CERK: variants seen among roughly 807,000 people sequenced by gnomAD.
CERK encodes ceramide kinase.
A neutral mutation model predicts 63.4 loss-of-function variants in CERK; 39 were observed. That is an observed-to-expected ratio of 0.61 (90% CI 0.48 to 0.80). CERK has a LOEUF of 0.80. Among genes scored for constraint, CERK ranks in the 30% least tolerant of loss-of-function variants. The pLI, the probability that CERK is intolerant of heterozygous loss-of-function variation, is 0.00. For synonymous variants in CERK, 302 were observed against 280.0 expected, an observed-to-expected ratio of 1.08 and a Z score of -0.78; for missense variants, 670 against 714.1, an observed-to-expected ratio of 0.94 and a Z score of 0.70.
chr22:46,711,365 G>A (rs775583659), intron 4 of CERK, among the ~76,000 whole-genome samples: 10 of 152,174 alleles, frequency 6.6e-5, no homozygotes, highest in East Asian at 5.8e-4. Context: ...CACAGTCTGC[G>A]CGATGACATG....
chr22:46,716,172 A>C (rs564112265), intron 3 of CERK, among the ~76,000 whole-genome samples: 2 of 150,784 alleles, frequency 1.3e-5, no homozygotes, highest in Non-Finnish European at 2.9e-5. Context: ...CCTGGGTGGC[A>C]GAACAAGACC....
At position 46,701,580 on chromosome 22, in the gene CERK, C is replaced by G. The variant is rs988722376; in HGVS notation, c.790+56G>C. On this transcript the variant is annotated intron_variant, in intron 7 of 12. Coordinates refer to ENST00000216264, the MANE Select transcript of CERK (RefSeq NM_022766.6). ...CGACGGGGACCAGAGTGGGACAGGCCTGGGGGCGCAGGAGGCCCGGCTGCC... is the reference window on the plus strand; with the variant it reads ...CGACGGGGACCAGAGTGGGACAGGCGTGGGGGCGCAGGAGGCCCGGCTGCC... 4.1e-6 allele frequency: 6 copies of G among 1,458,474 alleles called. No homozygotes were observed. The African/African-American group carries it at 8.4e-5, about 21-fold the overall frequency. The allele number at this position is 1,458,474 out of a possible 1,614,324, so 90.3% of individuals were successfully genotyped here. A position where few individuals can be genotyped will look rare whatever the true frequency, so the allele number is the denominator to read the frequency against.
intron 1 of CERK, among the ~76,000 whole-genome samples, chr22:46,734,663 C>T (rs1020418584): frequency 6.6e-6 from 1 of 152,142 alleles, no homozygotes; most frequent in African/African-American, 2.4e-5. Flanking sequence ...TTGATAAAAT[C>T]GATTTTTAAA....
At chr22:46,733,211 A>G (rs1378005041) in intron 1 of CERK, among the ~76,000 whole-genome samples, 1 of 147,624 alleles carries the variant, frequency 6.8e-6, no homozygotes, top group Admixed American at 6.8e-5. Context: ...TCTGTCTCAA[A>G]AAAAAAAAAA....
At chr22:46,706,279 G>A (rs987926884) in intron 6 of CERK, among the ~76,000 whole-genome samples, 5 of 152,134 alleles carry the variant, frequency 3.3e-5, no homozygotes, top group African/African-American at 4.8e-5. Flanking sequence ...GGGCCCTCCC[G>A]AGCCGTCTGC....
At chr22:46,718,109 C>G (rs2082875106) in intron 3 of CERK, among the ~76,000 whole-genome samples, 1 of 152,040 alleles carries the variant, frequency 6.6e-6, no homozygotes, top group African/African-American at 2.4e-5. Flanking sequence ...AAAAAACCCA[C>G]TAAAACAGAT....
At chr22:46,721,305 T>TA (rs2082891367) in intron 1 of CERK, among the ~76,000 whole-genome samples, 1 of 149,544 alleles carries the variant, frequency 6.7e-6, no homozygotes, top group African/African-American at 2.6e-5. Context: ...ATATATATAT[T>TA]TTTTTGAGAC....
At chr22:46,692,823 T>G (rs9754344) in intron 10 of CERK, among the ~76,000 whole-genome samples, 9,712 of 148,768 alleles carry the variant, frequency 0.065, 557 homozygotes, top group East Asian at 0.26. Context: ...GAGAATCGCT[T>G]GAACTCGGGA....
chr22:46,733,203 T>G (rs2082954680), intron 1 of CERK, among the ~76,000 whole-genome samples: 1 of 103,006 alleles, frequency 9.7e-6, no homozygotes, highest in African/African-American at 3.1e-5. Context: ...AGTGGGACTC[T>G]GTCTCAAAAA....
intron 12 of CERK, among the ~76,000 whole-genome samples, chr22:46,689,725 A>C (rs539232688): frequency 6.6e-6 from 1 of 152,312 alleles, no homozygotes; most frequent in East Asian, 1.9e-4. Context: ...GAGGAAAAGA[A>C]TGAAATGGAG....
chr22:46,737,156 A>G (rs1310546099), intron 1 of CERK, among the ~76,000 whole-genome samples: 1 of 152,052 alleles, frequency 6.6e-6, no homozygotes, highest in African/African-American at 2.4e-5. Flanking sequence ...AGCCGGGCGT[A>G]GTAGCGGGCT....
Position 46,711,156 on chromosome 22 carries a change from G to A in CERK, c.506-7C>T. 2 of 1,609,130 alleles carry A rather than the reference G, an allele frequency of 1.2e-6. No homozygotes were observed. Among genetic ancestry groups the A allele is most frequent in the Non-Finnish European group, 1.7e-6 (2 of 1,175,614 alleles). The stretch of plus-strand genomic sequence containing the variant: ...TGATTAGCATGTTCAGTAACTGTGG[G>A]GAAAAATTACATCACACAGTTTATA... On this transcript the variant is annotated splice_polypyrimidine_tract_variant and splice_region_variant and intron_variant, in intron 4 of 12. Coordinates refer to ENST00000216264, the MANE Select transcript of CERK (RefSeq NM_022766.6).
At chr22:46,727,883 G>A (rs1000539491) in intron 1 of CERK, among the ~76,000 whole-genome samples, 1 of 150,504 alleles carries the variant, frequency 6.6e-6, no homozygotes, top group Non-Finnish European at 1.5e-5. Flanking sequence ...TGCTCCCTTA[G>A]CATGCACAGG....
At chr22:46,695,747 C>T (rs898277458) in intron 8 of CERK, among the ~76,000 whole-genome samples, 1 of 152,226 alleles carries the variant, frequency 6.6e-6, no homozygotes, top group African/African-American at 2.4e-5. Flanking sequence ...TCAGCCACAG[C>T]CCCTGTGACG....
chr22:46,716,165 G>T (rs1347593476), intron 3 of CERK, among the ~76,000 whole-genome samples: 2 of 151,806 alleles, frequency 1.3e-5, no homozygotes, highest in Non-Finnish European at 2.9e-5. Context: ...ACTCCGGCCT[G>T]GGTGGCAGAA....
chr22:46,735,160 C>A (rs1166259087), intron 1 of CERK: 3 of 152,256 alleles, frequency 2.0e-5, no homozygotes, highest in Admixed American at 6.5e-5. Context: ...TGTTTTGCGA[C>A]AGTCAGGGGA....
intron 6 of CERK, among the ~76,000 whole-genome samples, chr22:46,702,117 G>A (rs1328259410): frequency 1.3e-5 from 2 of 148,558 alleles, no homozygotes; most frequent in African/African-American, 2.5e-5. Flanking sequence ...GGAGGCAAAG[G>A]CTGCAGTGAG....
intron 3 of CERK, among the ~76,000 whole-genome samples, chr22:46,715,934 T>C (rs1245238413): frequency 1.3e-5 from 2 of 151,996 alleles, no homozygotes; most frequent in African/African-American, 2.4e-5. Context: ...CCTGGTAATA[T>C]CAATGCTTTG....
chr22:46,733,618 A>T (rs1343435210), intron 1 of CERK, among the ~76,000 whole-genome samples: 1 of 151,448 alleles, frequency 6.6e-6, no homozygotes, highest in African/African-American at 2.4e-5. Flanking sequence ...TAAATTTATG[A>T]TATCTTACAA....
Sources: gnomAD v4.1 joint callset for allele counts (sites outside exome capture counted in the v4.1 genomes callset) on GRCh38, gnomAD v4.1.1 for gene constraint, MANE v1.5 for transcripts, NCBI Gene and HGNC (gene_info 2026-07-23, HGNC 2026-07-21) for gene names.